The following NSUN6 variants were observed in gnomAD, a reference collection of about 807,000 sequenced individuals.
The protein encoded by NSUN6 is tRNA (cytosine(72)-C(5))-methyltransferase NSUN6.
In NSUN6, 64 loss-of-function variants were observed where a neutral mutation model predicts 58.0. The ratio of observed to expected loss-of-function variants is 1.10; its 90% confidence interval spans 0.90 to 1.36. The LOEUF is 1.36. Among genes scored for constraint, NSUN6 ranks in the 40% most tolerant of loss-of-function variants. NSUN6 has a pLI of 0.00. For missense variants in NSUN6, 701 were observed against 550.1 expected (o/e 1.27, Z -2.74); for synonymous variants, 231 against 193.9 (o/e 1.19, Z -1.59).
intron 8 of NSUN6, among the ~76,000 whole-genome samples, chr10:18,557,377 T>G: frequency 7.1e-6 from 1 of 140,768 alleles, no homozygotes. Flanking sequence ...TGAAATGGAG[T>G]GGAGAGTGGA....
At chr10:18,568,882 CT>C (rs2056161775) in intron 8 of NSUN6, among the ~76,000 whole-genome samples, 1 of 150,238 alleles carries the variant, frequency 6.7e-6, no homozygotes, top group African/African-American at 2.4e-5. Context: ...ACTCTCCATT[CT>C]GTTCCATTCC....
chr10:18,599,578 G>C (rs573793153), intron 6 of NSUN6, among the ~76,000 whole-genome samples: 1 of 152,196 alleles, frequency 6.6e-6, no homozygotes, highest in African/African-American at 2.4e-5. Flanking sequence ...AGTGGGCATG[G>C]AGCCATGCGC....
At chr10:18,634,597 A>T (rs2059149692) in intron 3 of NSUN6, among the ~76,000 whole-genome samples, 1 of 138,668 alleles carries the variant, frequency 7.2e-6, no homozygotes, top group Admixed American at 7.7e-5. Flanking sequence ...TAAAAAAAAT[A>T]CAAAAAAAAA....
chr10:18,551,244 TTGTGTGTGTG>T lies in NSUN6; in HGVS notation c.1071+569_1071+578del, dbSNP rs35396134. ...TATATTTAAAACTAGGTCCTCTCAGTTGTGTGTGTGTGTGTGTGTGTGTGTGTGTGTGTGT... is the reference window on the plus strand; with the variant it reads ...TATATTTAAAACTAGGTCCTCTCAGTTGTGTGTGTGTGTGTGTGTGTGTGT... On this transcript the variant is annotated intron_variant, in intron 9 of 10. Transcript: ENST00000377304. Among the ~76,000 whole-genome samples the T allele has an allele frequency of 2.9e-3, 365 of 127,166 alleles. 2 individuals carry two copies. Among genetic ancestry groups the T allele is most frequent in the East Asian group, 0.012 (44 of 3,772 alleles). The allele number at this position is 127,166 out of a possible 152,430, so 83.4% of individuals were successfully genotyped here.
rs771743112 is a variant in NSUN6 at position 18,614,485 on chromosome 10, T to C, written c.550A>G (p.Ile184Val). Residue 184 changes from isoleucine (I) to valine (V), a missense_variant, in exon 5 of 11, where the codon ATC (isoleucine) becomes GTC (valine). Physicochemically the swap from Ile to Val is conservative, Grantham distance 29. Transcript: ENST00000377304. ...NGISELSRKE[I>V]FSGLPELKGM... ...TTCAGTTCAGGTAATCCACTGAAGA[T>C]TTCTTTGCGGCTTAGTTCAGAAATC... 2 of 1,554,624 alleles carry C rather than the reference T, an allele frequency of 1.3e-6. No individual in the cohort carries two copies. Among genetic ancestry groups the C allele is most frequent in the East Asian group, 2.4e-5 (1 of 41,024 alleles).
At chr10:18,553,252 T>C (rs191175242) in intron 8 of NSUN6, among the ~76,000 whole-genome samples, 1 of 151,906 alleles carries the variant, frequency 6.6e-6, no homozygotes, top group Non-Finnish European at 1.5e-5. Flanking sequence ...CATTCTCCAT[T>C]CCATTCCATC....
intron 6 of NSUN6, among the ~76,000 whole-genome samples, chr10:18,606,825 T>C (rs1379828893): frequency 1.3e-5 from 2 of 152,228 alleles, no homozygotes; most frequent in South Asian, 2.1e-4. Context: ...TTTCAAGTGA[T>C]TTGATACATA....
chr10:18,623,970 G>T (rs369785106), intron 3 of NSUN6, among the ~76,000 whole-genome samples: 2 of 152,118 alleles, frequency 1.3e-5, no homozygotes, highest in African/African-American at 4.8e-5. Context: ...TGCAAATGAG[G>T]ATGTAACTGT....
intron 3 of NSUN6, among the ~76,000 whole-genome samples, chr10:18,618,546 G>T (rs1484206474): frequency 6.6e-6 from 1 of 151,902 alleles, no homozygotes; most frequent in African/African-American, 2.4e-5. Flanking sequence ...CCCAGGCATG[G>T]TGGCGCATGC....
chr10:18,569,391 T>A (rs978258847), intron 8 of NSUN6, among the ~76,000 whole-genome samples: 1 of 151,522 alleles, frequency 6.6e-6, no homozygotes, highest in Admixed American at 6.6e-5. Flanking sequence ...CATTTTCCAT[T>A]CCATTCTCCC....
intron 7 of NSUN6, among the ~76,000 whole-genome samples, chr10:18,591,794 T>C (rs1389991960): frequency 6.6e-6 from 1 of 152,178 alleles, no homozygotes. Context: ...AGCATTCCCT[T>C]TGAAAACTGG....
At chr10:18,607,370 T>C (rs962455466) in intron 6 of NSUN6, among the ~76,000 whole-genome samples, 3 of 152,240 alleles carry the variant, frequency 2.0e-5, no homozygotes, top group East Asian at 1.9e-4. Flanking sequence ...CTTACTCTTC[T>C]GCACATTCTT....
intron 6 of NSUN6, among the ~76,000 whole-genome samples, chr10:18,604,173 C>A (rs2057960597): frequency 6.6e-6 from 1 of 152,046 alleles, no homozygotes; most frequent in Admixed American, 6.6e-5. Context: ...CAGAGTGAGC[C>A]TCCATATCAA....
chr10:18,552,011 T>C (rs766684023), intron 8 of NSUN6, 40 bp from the exon 9 acceptor site: 13 of 1,338,460 alleles, frequency 9.7e-6, no homozygotes, highest in African/African-American at 1.5e-5. Context: ...ATCTTCCATA[T>C]AGGTTTAAAC....
chr10:18,567,937 A>C (rs111208114), intron 8 of NSUN6, among the ~76,000 whole-genome samples: 1,826 of 149,264 alleles, frequency 0.012, 34 homozygotes, highest in African/African-American at 0.043. Context: ...TCCATTCTCC[A>C]TTCCATTCCA....
rs80342829 is a variant in NSUN6 at position 18,545,717 on chromosome 10, A to T, written c.*216T>A. 1.3e-4 allele frequency: 32 copies of T among 243,312 alleles called. No individual in the cohort carries two copies. The highest frequency in any genetic ancestry group is 1.7e-4 in the Admixed American group (3 of 17,324). 15.1% of individuals were successfully genotyped at this position (243,312 alleles called of 1,614,324 possible). The stretch of plus-strand genomic sequence containing the variant: ...TTTCTTTATACTCTACTAAATACAT[A>T]AAAAAAAAAAATCTTTTAAAAACAG... On this transcript the variant is annotated 3_prime_UTR_variant, in exon 11 of 11. Transcript: ENST00000377304.
intron 7 of NSUN6, among the ~76,000 whole-genome samples, chr10:18,595,511 T>A (rs1339733464): frequency 6.6e-6 from 1 of 152,200 alleles, no homozygotes; most frequent in Admixed American, 6.5e-5. Flanking sequence ...AATCAACCCT[T>A]CTTATTTCAG....
chr10:18,579,715 G>A (rs566037577), intron 8 of NSUN6, among the ~76,000 whole-genome samples: 11 of 152,212 alleles, frequency 7.2e-5, no homozygotes, highest in East Asian at 1.9e-4. Flanking sequence ...CTGGTTCTCC[G>A]GTAAGGTGGA....
At chr10:18,651,965 G>A, upstream of NSUN6, 1 of 985,410 alleles carries the variant, frequency 1.0e-6, no homozygotes, top group Non-Finnish European at 1.2e-6. Context: ...AGAGGATGAG[G>A]CCAGAATTTG....
Sources: allele counts gnomAD v4.1 joint callset (sites outside exome capture counted in the v4.1 genomes callset), GRCh38; gene constraint gnomAD v4.1.1; transcripts MANE v1.5; gene names NCBI Gene and HGNC (gene_info 2026-07-23, HGNC 2026-07-21).